Variants in NLGN1 observed in about 807,000 individuals in gnomAD.
NLGN1 encodes neuroligin-1.
Under a neutral mutation model 65.5 loss-of-function variants are expected in NLGN1, and 12 were observed. The ratio of observed to expected loss-of-function variants is 0.18; its 90% CI spans 0.12 to 0.30. NLGN1 has a LOEUF of 0.30. NLGN1 is among the 10% of genes least tolerant of loss of function. The pLI, the probability that NLGN1 is intolerant of heterozygous loss-of-function variation, is 1.00. For missense variants in NLGN1, 750 were observed against 1,007.1 expected, an observed-to-expected ratio of 0.74 and a Z score of 3.46; for synonymous variants, 350 against 359.5, an observed-to-expected ratio of 0.97 and a Z score of 0.30.
chr3:174,074,730 C>T (rs1004801011), intron 4 of NLGN1, among the ~76,000 whole-genome samples: 9 of 152,124 alleles, frequency 5.9e-5, no homozygotes, highest in African/African-American at 1.9e-4. Flanking sequence ...CTAGTGGAAA[C>T]GTAGTTGTGG....
chr3:174,099,604 G>A (rs915335763), intron 4 of NLGN1, among the ~76,000 whole-genome samples: 1 of 152,166 alleles, frequency 6.6e-6, no homozygotes, highest in African/African-American at 2.4e-5. Context: ...AACACTTATA[G>A]AAAGTGATTA....
chr3:173,848,647 G>A (rs372273844), intron 4 of NLGN1, among the ~76,000 whole-genome samples: 14 of 152,178 alleles, frequency 9.2e-5, no homozygotes, highest in African/African-American at 3.4e-4. Context: ...AACATTTGAA[G>A]TAAGTAATAG....
intron 3 of NLGN1, among the ~76,000 whole-genome samples, chr3:173,726,836 A>G (rs934511188): frequency 2.6e-5 from 4 of 152,060 alleles, no homozygotes; most frequent in Non-Finnish European, 1.5e-5. Flanking sequence ...AAATGCAACA[A>G]AAGTTTAAAA....
At chr3:173,451,621 T>C (rs922467268) in intron 2 of NLGN1, among the ~76,000 whole-genome samples, 3 of 152,148 alleles carry the variant, frequency 2.0e-5, no homozygotes, top group African/African-American at 7.2e-5. Context: ...GCAGAGGTTA[T>C]TGCCGTCTTT....
At chr3:173,449,313 A>G (rs6794468) in intron 2 of NLGN1, among the ~76,000 whole-genome samples, 146,581 of 152,064 alleles carry the variant, frequency 0.96, 70,710 homozygotes, top group African/African-American at 0.99. Flanking sequence ...CCTTCATTTC[A>G]TTATGTACGC....
intron 3 of NLGN1, among the ~76,000 whole-genome samples, chr3:173,680,389 C>G (rs770798730): frequency 7.2e-5 from 11 of 152,050 alleles, no homozygotes; most frequent in Non-Finnish European, 1.3e-4. Context: ...TTTAAATTAT[C>G]TATATGCCTA....
At chr3:173,709,404 G>T (rs1040075928) in intron 3 of NLGN1, among the ~76,000 whole-genome samples, 1 of 152,152 alleles carries the variant, frequency 6.6e-6, no homozygotes, top group Non-Finnish European at 1.5e-5. Context: ...CAGTCAAAAC[G>T]ATCCTGTGTT....
intron 3 of NLGN1, among the ~76,000 whole-genome samples, chr3:173,721,739 A>C (rs1770863439): frequency 6.6e-6 from 1 of 152,202 alleles, no homozygotes; most frequent in Non-Finnish European, 1.5e-5. Flanking sequence ...ATTGCTGCTT[A>C]GAAAGCTATA....
chr3:174,225,730 C>CAAAA (rs746747895), intron 4 of NLGN1, among the ~76,000 whole-genome samples: 1 of 102,386 alleles, frequency 9.8e-6, no homozygotes, highest in Non-Finnish European at 2.1e-5. Context: ...GACTCCGTCT[C>CAAAA]AAAAAAAAAA....
At chr3:173,496,084 T>TAC (rs1729980467) in intron 2 of NLGN1, among the ~76,000 whole-genome samples, 1 of 151,792 alleles carries the variant, frequency 6.6e-6, no homozygotes, top group Non-Finnish European at 1.5e-5. Context: ...TGCTACCAAT[T>TAC]ATACTTGGAT....
intron 2 of NLGN1, among the ~76,000 whole-genome samples, chr3:173,517,059 T>C (rs1733929414): frequency 6.6e-6 from 1 of 152,120 alleles, no homozygotes; most frequent in African/African-American, 2.4e-5. Flanking sequence ...AATAATTTGT[T>C]AATGTAATTA....
chr3:173,691,740 T>C (rs6782940), intron 3 of NLGN1, among the ~76,000 whole-genome samples: 7,854 of 152,148 alleles, frequency 0.052, 486 homozygotes, highest in African/African-American at 0.13. Context: ...TTCTATATGA[T>C]ACTGACTGTA....
chr3:174,198,175 C>T (rs1179135507), intron 4 of NLGN1, among the ~76,000 whole-genome samples: 1 of 152,018 alleles, frequency 6.6e-6, no homozygotes, highest in Non-Finnish European at 1.5e-5. Flanking sequence ...ATAGTAGTAA[C>T]AGAGAAGAAA....
In NLGN1 at chr3:173,669,086, C is replaced by A. The variant is rs1227965262; in HGVS notation, c.493+63995C>A. 3.3e-5 allele frequency among the ~76,000 whole-genome samples: 5 copies of A among 152,106 alleles called. No homozygotes were observed. The East Asian group carries it at 9.6e-4, about 29-fold the overall frequency. On this transcript the variant is annotated intron_variant, in intron 3 of 6. Transcript: ENST00000457714. ...TTTGCATGCAGTGTTTATTTTTTTCCTGTAGACACTGGGAAGTCATTGCCG... is the reference window on the plus strand; with the variant it reads ...TTTGCATGCAGTGTTTATTTTTTTCATGTAGACACTGGGAAGTCATTGCCG...
chr3:173,469,391 A>T (rs759715606), intron 2 of NLGN1, among the ~76,000 whole-genome samples: 2 of 152,052 alleles, frequency 1.3e-5, no homozygotes, highest in Non-Finnish European at 2.9e-5. Context: ...TCCAAGTTAC[A>T]CTGATGATCC....
chr3:173,631,280 TTA>T (rs1467180608), intron 3 of NLGN1, among the ~76,000 whole-genome samples: 2 of 152,198 alleles, frequency 1.3e-5, no homozygotes, highest in Non-Finnish European at 2.9e-5. Context: ...CAAAAGATTG[TTA>T]ACACTATTTG....
intron 4 of NLGN1, among the ~76,000 whole-genome samples, chr3:174,102,635 C>T (rs1005773846): frequency 2.0e-5 from 3 of 152,116 alleles, no homozygotes; most frequent in African/African-American, 7.2e-5. Context: ...ATTTTAGGCA[C>T]GGTTTTCAAA....
At chr3:174,221,472 C>T (rs1277644163) in intron 4 of NLGN1, among the ~76,000 whole-genome samples, 1 of 152,078 alleles carries the variant, frequency 6.6e-6, no homozygotes, top group Non-Finnish European at 1.5e-5. Context: ...CCAAATAGGT[C>T]TTGGTCTTGG....
At position 173,452,497 on chromosome 3, in the gene NLGN1, C is replaced by T. The variant is rs376618327; in HGVS notation, c.-321+17419C>T. Reference sequence around the variant, plus strand: ...GCGGTGCCTGGCCTAATTTTCTTGCCGGCTTTCACATTCAAATTTTCTTAT... The same window carrying T: ...GCGGTGCCTGGCCTAATTTTCTTGCTGGCTTTCACATTCAAATTTTCTTAT... On this transcript the variant is annotated intron_variant, in intron 2 of 6. Transcript: ENST00000457714. 2.8e-4 allele frequency among the ~76,000 whole-genome samples: 43 copies of T among 152,122 alleles called. 1 individual carries two copies. Among genetic ancestry groups the T allele is most frequent in the African/African-American group, 8.2e-4 (34 of 41,504 alleles).
Sources: allele counts gnomAD v4.1 joint callset (sites outside exome capture counted in the v4.1 genomes callset), GRCh38; gene constraint gnomAD v4.1.1; transcripts MANE v1.5; gene names NCBI Gene and HGNC (gene_info 2026-07-23, HGNC 2026-07-21).